Variants in JAK2 observed in about 807,000 individuals in gnomAD.
JAK2 encodes tyrosine-protein kinase JAK2.
Under a neutral mutation model 139.3 loss-of-function variants are expected in JAK2, and 86 were observed. That is an observed-to-expected ratio of 0.62 (90% CI 0.52 to 0.74). The LOEUF is 0.74. Among genes scored for constraint, JAK2 ranks in the 30% least tolerant of loss-of-function variants. The pLI is 0.00. For missense variants in JAK2, 1,421 were observed against 1,360.3 expected (o/e 1.04, Z -0.70); for synonymous variants, 490 against 437.7 (o/e 1.12, Z -1.49).
chr9:5,052,659 C>T (rs955825575), intron 6 of JAK2, among the ~76,000 whole-genome samples: 12 of 152,068 alleles, frequency 7.9e-5, no homozygotes, highest in Non-Finnish European at 1.8e-4. Flanking sequence ...CCCACTTTCC[C>T]CCAGCCTCTG....
chr9:4,988,739 C>T (rs1220977815), intron 2 of JAK2, among the ~76,000 whole-genome samples: 2 of 152,102 alleles, frequency 1.3e-5, no homozygotes, highest in Non-Finnish European at 2.9e-5. Context: ...CTGGTTTTTC[C>T]TGTACTGGTC....
At chr9:5,043,406 T>C (rs1363127242) in intron 4 of JAK2, among the ~76,000 whole-genome samples, 1 of 151,244 alleles carries the variant, frequency 6.6e-6, no homozygotes, top group African/African-American at 2.4e-5. Flanking sequence ...GATGGGATAA[T>C]AATAGGTCTA....
chr9:5,082,425 C>G (rs1213951971), intron 19 of JAK2, among the ~76,000 whole-genome samples: 1 of 152,248 alleles, frequency 6.6e-6, no homozygotes, highest in African/African-American at 2.4e-5. Context: ...AGCAGCATTG[C>G]TGCCAACATG....
chr9:5,053,161 A>T (rs1234874688), intron 6 of JAK2, among the ~76,000 whole-genome samples: 1 of 151,970 alleles, frequency 6.6e-6, no homozygotes, highest in African/African-American at 2.4e-5. Context: ...TCTGTATTTT[A>T]TCCATCCTAG....
chr9:5,058,626 C>T (rs886607639), intron 8 of JAK2, among the ~76,000 whole-genome samples: 1 of 152,142 alleles, frequency 6.6e-6, no homozygotes, highest in Non-Finnish European at 1.5e-5. Flanking sequence ...TAGGGAGCCA[C>T]CATGCTGTTT....
intron 2 of JAK2, among the ~76,000 whole-genome samples, chr9:4,990,236 T>A (rs1302289347): frequency 5.3e-5 from 8 of 152,190 alleles, no homozygotes; most frequent in African/African-American, 1.7e-4. Flanking sequence ...CAAGACATCT[T>A]AGAACATCTA....
In JAK2 at chr9:5,066,727, CTG is replaced by C; in HGVS notation, c.1266_1267del (p.Tyr423CysfsTer7). 1.9e-6 allele frequency: 3 copies of C among 1,608,424 alleles called. No homozygotes were observed. The highest frequency in any genetic ancestry group is 2.5e-6 in the Non-Finnish European group (3 of 1,177,372). ...KLKKAGNQTG[L>X]YVLRCSPKDF... ...GAAGAAAGCAGGTAATCAGACTGGA[CTG>C]TATGTACTTCGATGCAGTCCTAAGG... On this transcript the variant is annotated frameshift_variant, in exon 10 of 25. Transcript: ENST00000381652. LOFTEE classifies it high-confidence loss of function.
rs1563981633 is a variant in JAK2 at position 5,078,338 on chromosome 9, T to C, written c.2025T>C (p.Cys675=). ...ACACCCTTATTCATGGGAATGTATG[T>C]GCCAAAAATATTCTGCTTATCAGAG... is the stretch of plus-strand genomic sequence containing the variant. ...EENTLIHGNV[C]AKNILLIREE... Residue 675 remains cysteine (C), a synonymous_variant, in exon 16 of 25, where the codon TGT becomes TGC. Coordinates refer to ENST00000381652, the MANE Select transcript of JAK2 (RefSeq NM_004972.4). 3 of 1,612,586 alleles carry C rather than the reference T, an allele frequency of 1.9e-6. No individual in the cohort carries two copies. The highest frequency in any genetic ancestry group is 3.3e-5 in the Admixed American group (2 of 59,982).
At chr9:5,102,284 G>C (rs533755621) in intron 22 of JAK2, among the ~76,000 whole-genome samples, 5 of 152,158 alleles carry the variant, frequency 3.3e-5, no homozygotes, top group African/African-American at 1.2e-4. Context: ...TGGAAGAAAG[G>C]GTATCAGTGA....
At chr9:5,079,474 C>CTT (rs1042609840) in intron 16 of JAK2, among the ~76,000 whole-genome samples, 29 of 151,004 alleles carry the variant, frequency 1.9e-4, no homozygotes, top group African/African-American at 7.1e-4. Context: ...CTTCCATCTG[C>CTT]CATAAATGCT....
chr9:5,126,936 CTT>C lies in JAK2; in HGVS notation c.*147_*148del, dbSNP rs1365044016. ...AAGATGTGAAAATATCTGCTCAAAA[CTT>C]TCAAAGTTTAGTAAGTTTTTCTTCA... is the stretch of plus-strand genomic sequence containing the variant. On this transcript the variant is annotated 3_prime_UTR_variant, in exon 25 of 25. Transcript: ENST00000381652. 9.1e-6 allele frequency: 4 copies of C among 437,858 alleles called. No homozygotes were observed. Among genetic ancestry groups the C allele is most frequent in the African/African-American group, 6.2e-5 (3 of 48,748 alleles). The allele number at this position is 437,858 out of a possible 1,614,324, so 27.1% of individuals were successfully genotyped here.
In JAK2 at chr9:5,072,605, A is replaced by C. The variant is rs768921823; in HGVS notation, c.1755A>C (p.Lys585Asn). 10 of 1,607,484 alleles carry C rather than the reference A, an allele frequency of 6.2e-6. No homozygotes were observed. The highest frequency in any genetic ancestry group is 8.5e-6 in the Non-Finnish European group (10 of 1,176,126). Reference protein sequence around the residue: ...ETEVLLKVLDKAHRNYSESFF... With the variant: ...ETEVLLKVLDNAHRNYSESFF... ...AAGTTCTTTTAAAAGTTCTGGATAAAGCACACAGAAACTATTCAGAGGTGT... is the reference window on the plus strand; with the variant it reads ...AAGTTCTTTTAAAAGTTCTGGATAACGCACACAGAAACTATTCAGAGGTGT... Residue 585 changes from lysine to asparagine, a missense_variant, in exon 13 of 25, where the codon AAA becomes AAC. By Grantham distance (94) the Lys-to-Asn change is moderately conservative. Coordinates refer to ENST00000381652, the MANE Select transcript of JAK2 (RefSeq NM_004972.4).
intron 6 of JAK2, among the ~76,000 whole-genome samples, chr9:5,053,921 T>A (rs1342872413): frequency 6.6e-6 from 1 of 152,006 alleles, no homozygotes; most frequent in African/African-American, 2.4e-5. Flanking sequence ...GAAAATTATT[T>A]AATGGTACTT....
intron 22 of JAK2, chr9:5,112,836 C>A: frequency 1.8e-6 from 1 of 558,282 alleles, no homozygotes. Flanking sequence ...CACAACCCCG[C>A]TGGGCACGTG....
chr9:4,997,274 C>T (rs762205551), intron 2 of JAK2, among the ~76,000 whole-genome samples: 4 of 152,006 alleles, frequency 2.6e-5, no homozygotes, highest in African/African-American at 7.3e-5. Context: ...ATACCTGAGG[C>T]TGAGTAATTT....
rs376070326 is a variant in JAK2, at chr9:5,044,450, G to C, written c.398G>C (p.Arg133Pro). The C allele has an allele frequency of 6.2e-7, 1 of 1,613,068 alleles. No individual in the cohort carries two copies. Among genetic ancestry groups the C allele is most frequent in the African/African-American group, 1.3e-5 (1 of 74,876 alleles). The change falls in exon 5 of 25, where the codon CGG (arginine) becomes CCG (proline). Residue 133 changes from arginine (R) to proline (P), a missense_variant. Coordinates refer to ENST00000381652, the MANE Select transcript of JAK2 (RefSeq NM_004972.4). The stretch of plus-strand genomic sequence containing the variant: ...TGCAGTGGCAGCAACAGAGCCTATC[G>C]GCATGGAATATCTCGAGGTGCTGAA... ...WYCSGSNRAY[R>P]HGISRGAEAP... is the part of the protein sequence containing the mutation.
chr9:5,105,201 T>G (rs1014349416), intron 22 of JAK2, among the ~76,000 whole-genome samples: 3 of 152,202 alleles, frequency 2.0e-5, no homozygotes. Context: ...GGTAAGCAAC[T>G]TCAGCAAAGT....
intron 19 of JAK2, among the ~76,000 whole-genome samples, chr9:5,087,474 A>ACTGGTAGTTCTTTTCTTTTACT (rs146226026): frequency 6.6e-6 from 1 of 151,540 alleles, no homozygotes; most frequent in African/African-American, 2.4e-5. Context: ...AAACCATATC[A>ACTGGTAGTTCTTTTCTTTTACT]CTCCCTTACT....
chr9:5,011,471 T>C (rs966071865), intron 2 of JAK2, among the ~76,000 whole-genome samples: 3 of 152,234 alleles, frequency 2.0e-5, no homozygotes, highest in African/African-American at 7.2e-5. Flanking sequence ...ATTAAAGGCA[T>C]GAGCCATGAC....
Sources: gnomAD v4.1 joint callset for allele counts (sites outside exome capture counted in the v4.1 genomes callset) on GRCh38, gnomAD v4.1.1 for gene constraint, MANE v1.5 for transcripts, NCBI Gene and HGNC (gene_info 2026-07-23, HGNC 2026-07-21) for gene names.